Variants in ENTREP2 observed in about 807,000 individuals in gnomAD.
ENTREP2 encodes protein ENTREP2.
chr15:29,400,476 C>T, the ENTREP2 span, among the ~76,000 whole-genome samples: 78,553 of 151,924 alleles, frequency 0.52, 22,643 homozygotes, highest in African/African-American at 0.78. Context: ...TTCCATGCAA[C>T]TCTAATTAAA....
chr15:29,458,181 G>A, the ENTREP2 span, among the ~76,000 whole-genome samples: 3 of 152,104 alleles, frequency 2.0e-5, no homozygotes, highest in Non-Finnish European at 4.4e-5. Context: ...CAAGAACCAG[G>A]AGCACCGATG....
chr15:29,174,706 ACAAC>A, the ENTREP2 span, among the ~76,000 whole-genome samples: 1,154 of 137,808 alleles, frequency 8.4e-3, 34 homozygotes, highest in African/African-American at 0.031. Flanking sequence ...ACAAAACAAA[ACAAC>A]AAAAAAAAAA....
chr15:29,600,598 G>C, the ENTREP2 span, among the ~76,000 whole-genome samples: 1 of 152,076 alleles, frequency 6.6e-6, no homozygotes, highest in Non-Finnish European at 1.5e-5. Flanking sequence ...TTTGAAACCT[G>C]TTCTATCATA....
At chr15:29,481,590 C>G in the ENTREP2 span, among the ~76,000 whole-genome samples, 6 of 152,156 alleles carry the variant, frequency 3.9e-5, no homozygotes, top group African/African-American at 1.2e-4. Flanking sequence ...AATAAAAATT[C>G]TGAAGGAAAC....
chr15:29,434,435 G>A, the ENTREP2 span, among the ~76,000 whole-genome samples: 2 of 152,080 alleles, frequency 1.3e-5, no homozygotes, highest in African/African-American at 4.8e-5. Context: ...CCACATCCTT[G>A]CCTTTCCTCA....
the ENTREP2 span, among the ~76,000 whole-genome samples, chr15:29,485,026 T>C: frequency 1.6e-3 from 237 of 152,312 alleles, no homozygotes; most frequent in Non-Finnish European, 2.7e-3. Flanking sequence ...AAGCATACTT[T>C]GTTGGCAACA....
chr15:29,540,702 C>T, the ENTREP2 span, among the ~76,000 whole-genome samples: 1 of 152,256 alleles, frequency 6.6e-6, no homozygotes, highest in East Asian at 1.9e-4. Flanking sequence ...TAACTGACAA[C>T]TGTCCCATCA....
At chr15:29,257,196 C>T in the ENTREP2 span, among the ~76,000 whole-genome samples, 1 of 152,076 alleles carries the variant, frequency 6.6e-6, no homozygotes, top group Non-Finnish European at 1.5e-5. Flanking sequence ...GCCTCAGCCT[C>T]TCAAGTAGCT....
chr15:29,550,273 A>C, the ENTREP2 span, among the ~76,000 whole-genome samples: 8,154 of 150,186 alleles, frequency 0.054, 691 homozygotes, highest in African/African-American at 0.19. Flanking sequence ...CACTCACACA[A>C]AAAAAAACAA....
At chr15:29,551,787 C>T in the ENTREP2 span, among the ~76,000 whole-genome samples, 10 of 152,008 alleles carry the variant, frequency 6.6e-5, no homozygotes, top group South Asian at 6.2e-4. Context: ...AGCTGGTCCT[C>T]GTGGCTTTTT....
At chr15:29,207,151 G>C in the ENTREP2 span, among the ~76,000 whole-genome samples, 1 of 152,144 alleles carries the variant, frequency 6.6e-6, no homozygotes, top group African/African-American at 2.4e-5. Context: ...TGTTCCTGGA[G>C]AGATGCTGAA....
the ENTREP2 span, among the ~76,000 whole-genome samples, chr15:29,642,774 G>A: frequency 3.3e-5 from 5 of 151,846 alleles, no homozygotes; most frequent in East Asian, 1.9e-4. Flanking sequence ...CACGACACAC[G>A]GCTAATTTTT....
the ENTREP2 span, among the ~76,000 whole-genome samples, chr15:29,314,640 C>T: frequency 6.6e-6 from 1 of 152,154 alleles, no homozygotes; most frequent in Non-Finnish European, 1.5e-5. Context: ...TGGTGACTTG[C>T]TTTATTGTGA....
the ENTREP2 span, among the ~76,000 whole-genome samples, chr15:29,600,238 A>AG: frequency 6.6e-6 from 1 of 152,150 alleles, no homozygotes; most frequent in Admixed American, 6.5e-5. Flanking sequence ...GTCAAAAAAA[A>AG]AAGATGCTGG....
chr15:29,338,516 A>G, the ENTREP2 span, among the ~76,000 whole-genome samples: 1 of 151,958 alleles, frequency 6.6e-6, no homozygotes, highest in African/African-American at 2.4e-5. Flanking sequence ...GCTCTGGACC[A>G]CAGCCTGAAC....
the ENTREP2 span, among the ~76,000 whole-genome samples, chr15:29,583,030 C>A: frequency 3.9e-3 from 599 of 151,936 alleles, 3 homozygotes; most frequent in Middle Eastern, 0.021. Flanking sequence ...ATGATCATGA[C>A]CAAAATATAT....
chr15:29,389,566 T>C, the ENTREP2 span, among the ~76,000 whole-genome samples: 1 of 152,220 alleles, frequency 6.6e-6, no homozygotes, highest in Admixed American at 6.5e-5. Flanking sequence ...GGTATAGTTC[T>C]GCCAGTAACA....
At chr15:29,334,398 CAGCA>C in the ENTREP2 span, among the ~76,000 whole-genome samples, 55 of 134,324 alleles carry the variant, frequency 4.1e-4, no homozygotes, top group African/African-American at 1.3e-3. Context: ...CTCTAATGAG[CAGCA>C]AGCAGGGCTT....
At chr15:29,471,494 G>A in the ENTREP2 span, among the ~76,000 whole-genome samples, 44 of 152,246 alleles carry the variant, frequency 2.9e-4, no homozygotes, top group African/African-American at 1.0e-3. Context: ...GGGAGGCGCC[G>A]GGATAACAGA....
Sources: gnomAD v4.1 joint callset for allele counts (sites outside exome capture counted in the v4.1 genomes callset) on GRCh38, gnomAD v4.1.1 for gene constraint, MANE v1.5 for transcripts, NCBI Gene and HGNC (gene_info 2026-07-23, HGNC 2026-07-21) for gene names.